UGGT1: variants seen among roughly 807,000 people sequenced by gnomAD.
UGGT1 encodes the protein UDP-glucose:glycoprotein glucosyltransferase 1.
Under a neutral mutation model 203.9 loss-of-function variants are expected in UGGT1, and 107 were observed. The observed-to-expected ratio is 0.52, with a 90% CI of 0.45 to 0.62. The LOEUF (loss-of-function observed/expected upper bound fraction) is 0.62, where lower values mean the gene tolerates loss of function less well. Among genes scored for constraint, UGGT1 ranks in the 20% least tolerant of loss-of-function variants. UGGT1 has a pLI of 0.00. For missense variants in UGGT1, 1,673 were observed against 1,867.2 expected, an observed-to-expected ratio of 0.90 and a Z score of 1.92; for synonymous variants, 628 against 653.5, an observed-to-expected ratio of 0.96 and a Z score of 0.59.
intron 19 of UGGT1, among the ~76,000 whole-genome samples, chr2:128,155,192 T>A (rs73955956): frequency 0.015 from 2,245 of 152,292 alleles, 64 homozygotes; most frequent in African/African-American, 0.049. Context: ...TTTGAGATTG[T>A]CCTCCAGTTG....
At chr2:128,170,413 G>T in intron 27 of UGGT1, 23 bp downstream of exon 27, 1 of 1,598,814 alleles carries the variant, frequency 6.3e-7, no homozygotes, top group Admixed American at 1.7e-5. Flanking sequence ...TGCAGGAAGT[G>T]TACATCACCT....
chr2:128,146,468 T>C (rs1287644241), intron 18 of UGGT1, among the ~76,000 whole-genome samples: 1 of 152,152 alleles, frequency 6.6e-6, no homozygotes, highest in Non-Finnish European at 1.5e-5. Flanking sequence ...TAAATGTTTA[T>C]TTTAAAAATT....
chr2:128,194,074 A>G lies in UGGT1; in HGVS notation c.*4332A>G, dbSNP rs1431563506. 4 of 152,104 alleles carry G rather than the reference A, an allele frequency of 2.6e-5. No homozygotes were observed. Among genetic ancestry groups the G allele is most frequent in the African/African-American group, 7.2e-5 (3 of 41,394 alleles). The allele number at this position is 152,104 out of a possible 1,614,324, so 9.4% of individuals were successfully genotyped here. On this transcript the variant is annotated 3_prime_UTR_variant, in exon 41 of 41. Transcript: ENST00000259253. ...GTATTATGTGCAGTTATTTAAATAT[A>G]TGTATTCCATTGTTGCGTGGTTTTT...
chr2:128,092,185 A>T (rs992652573), intron 1 of UGGT1, among the ~76,000 whole-genome samples: 2 of 150,986 alleles, frequency 1.3e-5, no homozygotes, highest in Non-Finnish European at 2.9e-5. Flanking sequence ...CATTTTAAAT[A>T]GCTATTTAAC....
intron 3 of UGGT1, among the ~76,000 whole-genome samples, chr2:128,105,487 C>CTTTATTTTATTTTAT (rs70988607): frequency 7.3e-4 from 106 of 145,434 alleles, no homozygotes; most frequent in Middle Eastern, 3.5e-3. Context: ...CTAGATTTTA[C>CTTTATTTTATTTTAT]TTTATTTTAT....
Position 128,191,329 on chromosome 2 carries a change from A to G in UGGT1, c.*1587A>G, listed in dbSNP as rs2104854640. The G allele has an allele frequency of 6.6e-6, 1 of 152,346 alleles. No individual in the cohort carries two copies. Among genetic ancestry groups the G allele is most frequent in the East Asian group, 1.9e-4 (1 of 5,190 alleles). The allele number at this position is 152,346 out of a possible 1,614,324, so 9.4% of individuals were successfully genotyped here. A position where few individuals can be genotyped will look rare whatever the true frequency, so the allele number is the denominator to read the frequency against. Reference sequence around the variant, plus strand: ...AGTTAGCCTAGGAAGCCTCCCAGTCATCCTGAAGGACCTTTTGACTTTGCT... The same window carrying G: ...AGTTAGCCTAGGAAGCCTCCCAGTCGTCCTGAAGGACCTTTTGACTTTGCT... On this transcript the variant is annotated 3_prime_UTR_variant, in exon 41 of 41. Transcript: ENST00000259253.
At position 128,116,278 on chromosome 2, in the gene UGGT1, C is replaced by T; in HGVS notation, c.807C>T (p.Asn269=). The change falls in exon 8 of 41, where the codon AAC becomes AAT. Residue 269 remains asparagine (N), a synonymous_variant. Coordinates refer to ENST00000259253, the MANE Select transcript of UGGT1 (RefSeq NM_020120.4). The stretch of plus-strand genomic sequence containing the variant: ...ATTCTTTCATAGGAACTGAGGTAAA[C>T]ACCACAGTGATTGGTGAAAATGATC... ...DDTQVKGTEV[N]TTVIGENDPI... is the part of the protein sequence containing the mutation. 1.2e-6 allele frequency: 2 copies of T among 1,605,680 alleles called. No individual in the cohort carries two copies. Among genetic ancestry groups the T allele is most frequent in the Middle Eastern group, 3.3e-4 (2 of 6,048 alleles).
intron 8 of UGGT1, among the ~76,000 whole-genome samples, chr2:128,117,782 C>T (rs1688187579): frequency 6.6e-6 from 1 of 151,964 alleles, no homozygotes; most frequent in Admixed American, 6.6e-5. Context: ...ATCTCCTGAC[C>T]TCCTGGTCCG....
At chr2:128,156,297 G>C in intron 20 of UGGT1, 95 bp from the exon 21 acceptor site, 1 of 919,836 alleles carries the variant, frequency 1.1e-6, no homozygotes, top group Non-Finnish European at 1.8e-6. Context: ...ACCATAGACC[G>C]TGTTAGCCAT....
At chr2:128,131,713 C>T (rs559046059) in intron 13 of UGGT1, among the ~76,000 whole-genome samples, 15 of 151,968 alleles carry the variant, frequency 9.9e-5, no homozygotes, top group South Asian at 8.3e-4. Flanking sequence ...CTGCAACTTC[C>T]GCCTCCCAGG....
chr2:128,164,647 AT>A (rs1314191651), intron 25 of UGGT1, 82 bp from the exon 26 acceptor site: 8 of 1,115,032 alleles, frequency 7.2e-6, no homozygotes, highest in Non-Finnish European at 9.5e-6. Context: ...AGAATTCAGT[AT>A]TTGGGCTGAT....
chr2:128,104,373 G>C (rs564194658), intron 3 of UGGT1, among the ~76,000 whole-genome samples: 4 of 152,262 alleles, frequency 2.6e-5, no homozygotes, highest in Non-Finnish European at 4.4e-5. Flanking sequence ...ACACAACTGA[G>C]CTATTATCTG....
chr2:128,181,754 C>G (rs56757356), intron 36 of UGGT1, among the ~76,000 whole-genome samples: 4 of 152,304 alleles, frequency 2.6e-5, no homozygotes, highest in African/African-American at 9.6e-5. Context: ...TGAGTACTTA[C>G]GATGGGCAAG....
At chr2:128,152,981 T>C in intron 19 of UGGT1, 77 bp downstream of exon 19, 1 of 1,591,392 alleles carries the variant, frequency 6.3e-7, no homozygotes, top group Non-Finnish European at 8.5e-7. Context: ...CAGATTTTAA[T>C]ATTCTGATTA....
chr2:128,117,112 C>T (rs1428126379), intron 8 of UGGT1, among the ~76,000 whole-genome samples: 1 of 151,900 alleles, frequency 6.6e-6, no homozygotes, highest in East Asian at 1.9e-4. Flanking sequence ...TTTTTTGAGA[C>T]AGAGTCTTGC....
At chr2:128,108,952 C>G (rs1687727429) in intron 4 of UGGT1, among the ~76,000 whole-genome samples, 1 of 152,158 alleles carries the variant, frequency 6.6e-6, no homozygotes. Flanking sequence ...CCCTGTCACC[C>G]AGGCTGGAGT....
Position 128,181,726 on chromosome 2 carries a change from G to A in UGGT1, c.4084-404G>A, listed in dbSNP as rs559239902. On this transcript the variant is annotated intron_variant, in intron 36 of 40. Transcript: ENST00000259253. Reference sequence around the variant, plus strand: ...AGTGTGCCTTCCTGATTGTAACATAGCCACATTTAATCCTTGTTGAGTACT... The same window carrying A: ...AGTGTGCCTTCCTGATTGTAACATAACCACATTTAATCCTTGTTGAGTACT... 3.9e-5 allele frequency among the ~76,000 whole-genome samples: 6 copies of A among 152,302 alleles called. No individual in the cohort carries two copies. The South Asian group carries it at 1.2e-3, about 32-fold the overall frequency.
chr2:128,182,247 G>C lies in UGGT1; in HGVS notation c.4201G>C (p.Gly1401Arg). 1 of 1,614,156 alleles carries C rather than the reference G, an allele frequency of 6.2e-7. No individual in the cohort carries two copies. The highest frequency in any genetic ancestry group is 1.3e-5 in the African/African-American group (1 of 75,046). The part of the protein sequence containing the change: ...EMDGYRFWKS[G>R]YWASHLAGRK... Reference sequence around the variant, plus strand: ...GGACGGCTACAGGTTCTGGAAGTCAGGGTACTGGGCCAGTCATTTAGCCGG... The same window carrying C: ...GGACGGCTACAGGTTCTGGAAGTCACGGTACTGGGCCAGTCATTTAGCCGG... Residue 1401 changes from glycine (G) to arginine (R), a missense_variant, in exon 37 of 41, where the codon GGG (glycine) becomes CGG (arginine). Coordinates refer to ENST00000259253, the MANE Select transcript of UGGT1 (RefSeq NM_020120.4).
At chr2:128,157,582 C>G (rs924013367) in intron 22 of UGGT1, among the ~76,000 whole-genome samples, 1 of 152,138 alleles carries the variant, frequency 6.6e-6, no homozygotes, top group Non-Finnish European at 1.5e-5. Flanking sequence ...AAATAAATAG[C>G]GAGATCCTCA....
Sources: gnomAD v4.1 joint callset for allele counts (sites outside exome capture counted in the v4.1 genomes callset) on GRCh38, gnomAD v4.1.1 for gene constraint, MANE v1.5 for transcripts, NCBI Gene and HGNC (gene_info 2026-07-23, HGNC 2026-07-21) for gene names.